Variants in ATP8B4 observed in about 807,000 individuals in gnomAD.
ATP8B4 encodes the protein ATPase phospholipid transporting 8B4 (putative), also known as probable phospholipid-transporting ATPase IM.
A neutral mutation model predicts 145.6 loss-of-function variants in ATP8B4; 133 were observed. That is an observed-to-expected ratio of 0.91 (90% CI 0.79 to 1.05). ATP8B4 has a LOEUF of 1.05. Among genes scored for constraint, ATP8B4 ranks in the 50% least tolerant of loss-of-function variants. The probability of loss-of-function intolerance (pLI) is 0.00; values close to 1 mark genes in which losing one functional copy is unlikely to be tolerated. For synonymous variants in ATP8B4, 507 were observed against 492.9 expected, an observed-to-expected ratio of 1.03 and a Z score of -0.38; for missense variants, 1,458 against 1,425.2, an observed-to-expected ratio of 1.02 and a Z score of -0.37.
chr15:50,166,005 A>ACACACACACACC (rs1340029857), intron 1 of ATP8B4, among the ~76,000 whole-genome samples: 1 of 145,114 alleles, frequency 6.9e-6, no homozygotes, highest in Non-Finnish European at 1.5e-5. Flanking sequence ...ACACACACAC[A>ACACACACACACC]CACCTCATCT....
At chr15:50,072,168 C>T (rs536835668) in intron 3 of ATP8B4, among the ~76,000 whole-genome samples, 136 of 152,182 alleles carry the variant, frequency 8.9e-4, no homozygotes, top group African/African-American at 3.3e-3. Flanking sequence ...CCAAAATTCT[C>T]TCTCCTCTAG....
At chr15:49,986,192 A>G (rs1440218102) in intron 10 of ATP8B4, among the ~76,000 whole-genome samples, 1 of 152,194 alleles carries the variant, frequency 6.6e-6, no homozygotes, top group Non-Finnish European at 1.5e-5. Context: ...TGAATTAGCC[A>G]TTCCAAACAA....
chr15:50,104,923 A>T (rs902973962), intron 2 of ATP8B4, among the ~76,000 whole-genome samples: 2 of 149,000 alleles, frequency 1.3e-5, no homozygotes, highest in African/African-American at 4.9e-5. Context: ...CTCAGCCATA[A>T]GAATGAACGA....
chr15:49,916,013 T>C (rs2039703872), intron 20 of ATP8B4, among the ~76,000 whole-genome samples: 2 of 151,912 alleles, frequency 1.3e-5, no homozygotes, highest in Non-Finnish European at 2.9e-5. Flanking sequence ...TGAAGGAAGG[T>C]TAGCTCCCCA....
chr15:49,915,359 T>C (rs1250177607), intron 20 of ATP8B4, among the ~76,000 whole-genome samples: 3 of 152,116 alleles, frequency 2.0e-5, no homozygotes, highest in Non-Finnish European at 4.4e-5. Flanking sequence ...TACAAACGTA[T>C]AGTTAGATGG....
At chr15:49,967,204 G>T (rs1053988934) in intron 13 of ATP8B4, among the ~76,000 whole-genome samples, 1 of 152,262 alleles carries the variant, frequency 6.6e-6, no homozygotes, top group Non-Finnish European at 1.5e-5. Context: ...AAACCAGAAC[G>T]CCTCTTCTCC....
intron 4 of ATP8B4, among the ~76,000 whole-genome samples, chr15:50,047,028 T>A (rs2153608414): frequency 6.6e-6 from 1 of 152,264 alleles, no homozygotes; most frequent in South Asian, 2.1e-4. Flanking sequence ...ACTCTGGCAA[T>A]CCCCACACTG....
intron 2 of ATP8B4, among the ~76,000 whole-genome samples, chr15:50,088,438 G>C (rs528333340): frequency 6.6e-6 from 1 of 151,964 alleles, no homozygotes; most frequent in Non-Finnish European, 1.5e-5. Context: ...AGCCTCAGTG[G>C]CCTCTTGTTC....
intron 1 of ATP8B4, among the ~76,000 whole-genome samples, chr15:50,142,983 A>C (rs2044232710): frequency 6.6e-6 from 1 of 152,214 alleles, no homozygotes; most frequent in African/African-American, 2.4e-5. Context: ...GTTAAGAATG[A>C]ATTAAATGCT....
chr15:50,081,682 G>A (rs769052557), intron 2 of ATP8B4, among the ~76,000 whole-genome samples: 4 of 152,202 alleles, frequency 2.6e-5, no homozygotes, highest in Admixed American at 6.5e-5. Flanking sequence ...GGTAGTGAAC[G>A]CATGAGGTCT....
intron 25 of ATP8B4, among the ~76,000 whole-genome samples, chr15:49,867,628 G>A (rs2033022924): frequency 6.6e-6 from 1 of 152,178 alleles, no homozygotes; most frequent in Non-Finnish European, 1.5e-5. Context: ...CCTGATCTGT[G>A]TGGGTAAGAG....
At chr15:50,175,469 C>T (rs748873736) in intron 1 of ATP8B4, among the ~76,000 whole-genome samples, 8 of 152,100 alleles carry the variant, frequency 5.3e-5, no homozygotes, top group Middle Eastern at 3.4e-3. Context: ...CAGTAAGAAA[C>T]GAAGAAACTA....
intron 3 of ATP8B4, among the ~76,000 whole-genome samples, chr15:50,053,092 C>T (rs952184390): frequency 1.3e-5 from 2 of 152,102 alleles, no homozygotes; most frequent in African/African-American, 4.8e-5. Flanking sequence ...ACAGAAGGAA[C>T]GACCATGAAT....
At chr15:49,993,394 G>A (rs188564690) in intron 9 of ATP8B4, among the ~76,000 whole-genome samples, 13 of 151,376 alleles carry the variant, frequency 8.6e-5, no homozygotes, top group African/African-American at 2.7e-4. Flanking sequence ...GTGTGTGTCA[G>A]AGATATTAAA....
At chr15:49,990,846 T>C (rs558165614) in intron 9 of ATP8B4, among the ~76,000 whole-genome samples, 52 of 152,316 alleles carry the variant, frequency 3.4e-4, no homozygotes, top group Non-Finnish European at 6.3e-4. Flanking sequence ...TCAATATTGC[T>C]GTTCAAGAAT....
At chr15:49,871,273 G>A (rs937695228) in intron 25 of ATP8B4, among the ~76,000 whole-genome samples, 17 of 152,290 alleles carry the variant, frequency 1.1e-4, no homozygotes, top group African/African-American at 3.8e-4. Context: ...AGTATCCAGT[G>A]TTTCCTTTAC....
chr15:50,076,231 C>T (rs28369108), intron 2 of ATP8B4, among the ~76,000 whole-genome samples: 37,819 of 151,970 alleles, frequency 0.25, 4,689 homozygotes, highest in Middle Eastern at 0.34. Flanking sequence ...CGGTGGCTCA[C>T]GCCTGTAATC....
intron 19 of ATP8B4, 105 bp from the exon 20 acceptor site, chr15:49,917,144 G>C (rs1417076518): frequency 9.8e-6 from 10 of 1,022,664 alleles, no homozygotes; most frequent in African/African-American, 1.6e-5. Context: ...AAAGCCTACA[G>C]GGGGCTGATG....
chr15:49,963,078 C>A (rs1274494439), intron 13 of ATP8B4, among the ~76,000 whole-genome samples: 1 of 151,948 alleles, frequency 6.6e-6, no homozygotes. Context: ...AGAGAAAAAA[C>A]CCGACAACCG....
Sources: gnomAD v4.1 joint callset for allele counts (sites outside exome capture counted in the v4.1 genomes callset) on GRCh38, gnomAD v4.1.1 for gene constraint, MANE v1.5 for transcripts, NCBI Gene and HGNC (gene_info 2026-07-23, HGNC 2026-07-21) for gene names.